PAPSS2: variants seen among roughly 807,000 people sequenced by gnomAD.
PAPSS2 encodes the protein 3'-phosphoadenosine 5'-phosphosulfate synthase 2, also known as bifunctional 3'-phosphoadenosine 5'-phosphosulfate synthase 2.
PAPSS2 carries 61 observed loss-of-function variants against 66.5 expected under a neutral mutation model. The observed-to-expected ratio is 0.92, with a 90% confidence interval of 0.75 to 1.14. PAPSS2 has a LOEUF of 1.14. Ranked by LOEUF, PAPSS2 falls within the 50% of genes most tolerant of loss-of-function variation. The pLI is 0.00. For missense variants in PAPSS2, 708 were observed against 789.6 expected (o/e 0.90, Z 1.24); for synonymous variants, 289 against 287.5 (o/e 1.01, Z -0.05).
rs746788892 is a variant in PAPSS2 at position 87,745,036 on chromosome 10, G to T, written c.1526G>T (p.Gly509Val). ...QWHCRSRMIA[G>V]ANFYIVGRDP... ...CACTGCAGGTCCCGGATGATTGCGG[G>T]TGCCAATTTCTACATTGTGGGGAGG... The change falls in exon 12 of 13, where the codon GGT becomes GTT. Residue 509 changes from glycine to valine, a missense_variant. Transcript: ENST00000456849. 1.2e-6 allele frequency: 2 copies of T among 1,614,010 alleles called. No homozygotes were observed. The highest frequency in any genetic ancestry group is 3.3e-5 in the Admixed American group (2 of 60,002).
chr10:87,669,738 C>A (rs77361232), intron 1 of PAPSS2, among the ~76,000 whole-genome samples: 1 of 152,152 alleles, frequency 6.6e-6, no homozygotes, highest in East Asian at 1.9e-4. Flanking sequence ...TTCACCATCT[C>A]GCGAAGCAAG....
At chr10:87,670,961 C>G (rs1852869763) in intron 1 of PAPSS2, among the ~76,000 whole-genome samples, 1 of 152,142 alleles carries the variant, frequency 6.6e-6, no homozygotes, top group Non-Finnish European at 1.5e-5. Flanking sequence ...ACCTTGTGTA[C>G]CCAACAGGGT....
intron 1 of PAPSS2, among the ~76,000 whole-genome samples, chr10:87,667,759 T>C (rs1852831460): frequency 6.6e-6 from 1 of 152,220 alleles, no homozygotes; most frequent in African/African-American, 2.4e-5. Flanking sequence ...TGGCAATAAA[T>C]GCATATAGCC....
chr10:87,719,493 C>A (rs7081055), intron 7 of PAPSS2, among the ~76,000 whole-genome samples: 1 of 151,972 alleles, frequency 6.6e-6, no homozygotes, highest in Non-Finnish European at 1.5e-5. Flanking sequence ...CATGGTGGCT[C>A]ATGACCGTAG....
At chr10:87,701,384 CTTTCTT>C (rs1564716820) in intron 1 of PAPSS2, among the ~76,000 whole-genome samples, 1 of 65,234 alleles carries the variant, frequency 1.5e-5, no homozygotes, top group Admixed American at 2.1e-4. Context: ...TTCTTTCTTT[CTTTCTT>C]TCTTTCTCTT....
chr10:87,690,536 G>T (rs929030382), intron 1 of PAPSS2, among the ~76,000 whole-genome samples: 25 of 152,108 alleles, frequency 1.6e-4, no homozygotes, highest in African/African-American at 5.8e-4. Context: ...GAGCCATGTG[G>T]ATGTGACTTA....
At chr10:87,665,981 T>TG (rs1852811783) in intron 1 of PAPSS2, among the ~76,000 whole-genome samples, 2 of 151,228 alleles carry the variant, frequency 1.3e-5, no homozygotes, top group Non-Finnish European at 3.0e-5. Flanking sequence ...TTTTTTTTTT[T>TG]AGATGGAGTC....
intron 1 of PAPSS2, among the ~76,000 whole-genome samples, chr10:87,701,233 CTTTCTTT>C (rs1180167328): frequency 2.8e-5 from 3 of 105,798 alleles, no homozygotes; most frequent in African/African-American, 5.3e-5. Context: ...TAATAATTTT[CTTTCTTT>C]TTTCTTTTTT....
chr10:87,682,120 G>T (rs555611948), intron 1 of PAPSS2, among the ~76,000 whole-genome samples: 1 of 152,156 alleles, frequency 6.6e-6, no homozygotes. Context: ...TGAAAAAATA[G>T]AATACGAAGG....
At chr10:87,684,775 T>C (rs1184715173) in intron 1 of PAPSS2, among the ~76,000 whole-genome samples, 2 of 152,262 alleles carry the variant, frequency 1.3e-5, no homozygotes, top group South Asian at 2.1e-4. Context: ...GACGGGGAGA[T>C]TGAAGCTACG....
chr10:87,703,145 C>G (rs923807135), intron 1 of PAPSS2, among the ~76,000 whole-genome samples: 2 of 152,172 alleles, frequency 1.3e-5, no homozygotes, highest in African/African-American at 4.8e-5. Context: ...ACGAAGTGTT[C>G]ATGACTCTGT....
At chr10:87,745,281 G>C (rs1853923944) in intron 12 of PAPSS2, 50 bp downstream of exon 12, 3 of 1,445,010 alleles carry the variant, frequency 2.1e-6, no homozygotes, top group Non-Finnish European at 2.9e-6. Flanking sequence ...TAAAAGAAAT[G>C]ATGAGGCAGA....
At chr10:87,692,453 G>A (rs1188796645) in intron 1 of PAPSS2, among the ~76,000 whole-genome samples, 2 of 152,206 alleles carry the variant, frequency 1.3e-5, no homozygotes, top group South Asian at 2.1e-4. Flanking sequence ...AGAGATGGAG[G>A]AAGAGAGGAA....
At chr10:87,714,487 C>CT (rs1853507269) in intron 4 of PAPSS2, among the ~76,000 whole-genome samples, 1 of 152,038 alleles carries the variant, frequency 6.6e-6, no homozygotes, top group African/African-American at 2.4e-5. Flanking sequence ...TCTTGTCTTC[C>CT]TTTTTGATTG....
intron 1 of PAPSS2, among the ~76,000 whole-genome samples, chr10:87,670,876 A>G (rs1852868046): frequency 6.6e-6 from 1 of 152,208 alleles, no homozygotes; most frequent in Non-Finnish European, 1.5e-5. Context: ...GCTGTGACTC[A>G]AAAAGTCTCT....
intron 8 of PAPSS2, among the ~76,000 whole-genome samples, chr10:87,722,500 G>A (rs957943756): frequency 3.3e-5 from 5 of 152,126 alleles, no homozygotes; most frequent in African/African-American, 4.8e-5. Flanking sequence ...TAACACAGAA[G>A]GCTTGAAAAT....
chr10:87,668,690 GTT>G (rs1491345967), intron 1 of PAPSS2, among the ~76,000 whole-genome samples: 1 of 141,608 alleles, frequency 7.1e-6, no homozygotes, highest in East Asian at 2.1e-4. Context: ...GTGTGTGTGT[GTT>G]TAAAAATAAT....
intron 3 of PAPSS2, 152 bp from the exon 4 acceptor site, chr10:87,713,892 A>G (rs531852120): frequency 1.2e-5 from 9 of 751,760 alleles, no homozygotes; most frequent in South Asian, 1.1e-4. Flanking sequence ...TGTTTACCAG[A>G]GTAAAATTTC....
At chr10:87,667,154 A>G (rs1443200316) in intron 1 of PAPSS2, among the ~76,000 whole-genome samples, 1 of 152,158 alleles carries the variant, frequency 6.6e-6, no homozygotes, top group Non-Finnish European at 1.5e-5. Context: ...CACATTTTTG[A>G]AAAATTTACA....
Sources: allele counts gnomAD v4.1 joint callset (sites outside exome capture counted in the v4.1 genomes callset), GRCh38; gene constraint gnomAD v4.1.1; transcripts MANE v1.5; gene names NCBI Gene and HGNC (gene_info 2026-07-23, HGNC 2026-07-21).